AKR7A3: variants seen among roughly 807,000 people sequenced by gnomAD.
AKR7A3 encodes AFB1 aldehyde reductase 2.
AKR7A3 carries 37 observed loss-of-function variants against 32.5 expected under a neutral mutation model. The ratio of observed to expected loss-of-function variants is 1.14; its 90% CI spans 0.88 to 1.50. The LOEUF (loss-of-function observed/expected upper bound fraction) is 1.50. Ranked by LOEUF, AKR7A3 falls within the 40% of genes most tolerant of loss-of-function variation. The probability of loss-of-function intolerance (pLI) is 0.00; values close to 1 mark genes in which losing one functional copy is unlikely to be tolerated. For synonymous variants in AKR7A3, 177 were observed against 188.4 expected, an observed-to-expected ratio of 0.94 and a Z score of 0.50; for missense variants, 412 against 453.2, an observed-to-expected ratio of 0.91 and a Z score of 0.83.
chr1:19,276,317 C>T, the AKR7A3 span, among the ~76,000 whole-genome samples: 9 of 142,768 alleles, frequency 6.3e-5, no homozygotes, highest in South Asian at 1.6e-3. Context: ...GCCGAGATTG[C>T]GCCACTGCAG....
In AKR7A3 at chr1:19,288,760, G is replaced by C; in HGVS notation, c.-51C>G. ...AGCCCAGGAGCCGCGCGCAGCGGTC[G>C]GAAGCACCAGGCTCGGAGCGGGCGG... On this transcript the variant is annotated 5_prime_UTR_variant, in exon 1 of 7. Coordinates refer to ENST00000361640, the MANE Select transcript of AKR7A3 (RefSeq NM_012067.3). The C allele has an allele frequency of 7.1e-7, 1 of 1,413,598 alleles. No individual in the cohort carries two copies. The highest frequency in any genetic ancestry group is 9.2e-7 in the Non-Finnish European group (1 of 1,088,824). The allele number at this position is 1,413,598 out of a possible 1,614,324, so 87.6% of individuals were successfully genotyped here.
chr1:19,283,862 G>A, intron 6 of AKR7A3, 134 bp downstream of exon 6: 1 of 1,450,690 alleles, frequency 6.9e-7, no homozygotes, highest in Non-Finnish European at 9.2e-7. Context: ...AAGACCAGTG[G>A]GAAGAATGTT....
chr1:19,277,638 C>T (rs2093713142), downstream of AKR7A3, among the ~76,000 whole-genome samples: 1 of 151,826 alleles, frequency 6.6e-6, no homozygotes, highest in African/African-American at 2.4e-5. Context: ...TCTCGTGCCT[C>T]AGCTCTCGAA....
At chr1:19,279,586 C>T (rs76652269), downstream of AKR7A3, among the ~76,000 whole-genome samples, 4,366 of 151,982 alleles carry the variant, frequency 0.029, 81 homozygotes, top group South Asian at 0.053. Flanking sequence ...GCACTTCTAT[C>T]GTCTGTCTGT....
the AKR7A3 span, among the ~76,000 whole-genome samples, chr1:19,276,274 T>C: frequency 6.7e-6 from 1 of 149,968 alleles, no homozygotes. Flanking sequence ...AAGCAAAGAA[T>C]TGCTTGAACC....
At chr1:19,279,593 C>G (rs2093715910), downstream of AKR7A3, among the ~76,000 whole-genome samples, 2 of 152,052 alleles carry the variant, frequency 1.3e-5, no homozygotes, top group Middle Eastern at 3.4e-3. Flanking sequence ...TATCGTCTGT[C>G]TGTCTTACTA....
intron 6 of AKR7A3, among the ~76,000 whole-genome samples, chr1:19,283,436 G>T (rs2995183): frequency 6.6e-6 from 1 of 151,834 alleles, no homozygotes; most frequent in South Asian, 2.1e-4. Context: ...CAGTTTCCTC[G>T]TCAATAACAC....
At chr1:19,285,784 A>C (rs1455788007) in intron 3 of AKR7A3, 104 bp downstream of exon 3, 3 of 1,397,332 alleles carry the variant, frequency 2.1e-6, no homozygotes, top group Non-Finnish European at 3.0e-6. Flanking sequence ...TCAGCAGGGG[A>C]GTGGCTGCTA....
At chr1:19,281,417 A>C (rs1042412762), downstream of AKR7A3, among the ~76,000 whole-genome samples, 1 of 151,736 alleles carries the variant, frequency 6.6e-6, no homozygotes, top group African/African-American at 2.4e-5. Flanking sequence ...GGGGCACATC[A>C]ACTGAGGTCA....
rs1457793480 is a variant in AKR7A3, at chr1:19,286,181, T to A, written c.402+4A>T. ...CACCTCCCAGAGCTCAGGGGTCCCC[T>A]CACCTCCTGGTGCAGCTGGTGGCAG... On this transcript the variant is annotated splice_donor_region_variant and intron_variant, in intron 2 of 6. Coordinates refer to ENST00000361640, the MANE Select transcript of AKR7A3 (RefSeq NM_012067.3). The A allele has an allele frequency of 1.2e-6, 2 of 1,612,498 alleles. No individual in the cohort carries two copies. Among genetic ancestry groups the A allele is most frequent in the Admixed American group, 1.7e-5 (1 of 60,010 alleles).
At chr1:19,284,544 G>A (rs2093725487) in intron 5 of AKR7A3, 142 bp downstream of exon 5, 2 of 939,214 alleles carry the variant, frequency 2.1e-6, no homozygotes, top group Non-Finnish European at 3.3e-6. Context: ...GAAAACCGAT[G>A]GAGGGTTTGG....
the AKR7A3 span, among the ~76,000 whole-genome samples, chr1:19,274,899 C>CAAA: frequency 0.02 from 896 of 44,316 alleles, 62 homozygotes; most frequent in Non-Finnish European, 0.029. Context: ...TCTCTAAATA[C>CAAA]AAAAAAAAAA....
chr1:19,277,756 A>G (rs2093713268), downstream of AKR7A3, among the ~76,000 whole-genome samples: 1 of 151,924 alleles, frequency 6.6e-6, no homozygotes, highest in Non-Finnish European at 1.5e-5. Context: ...CCTGGCCTCA[A>G]GGGATCCTCC....
In AKR7A3 at chr1:19,286,379, G is replaced by A; in HGVS notation, c.215-7C>T. Reference sequence around the variant, plus strand: ...GCCTTGGTATCAATTTTCACTGAGAGGAAAGAGAAATGAAATTCAGGGCCA... The same window carrying A: ...GCCTTGGTATCAATTTTCACTGAGAAGAAAGAGAAATGAAATTCAGGGCCA... On this transcript the variant is annotated splice_region_variant and splice_polypyrimidine_tract_variant and intron_variant, in intron 1 of 6. Transcript: ENST00000361640. 6 of 1,612,706 alleles carry A rather than the reference G, an allele frequency of 3.7e-6. No homozygotes were observed. Among genetic ancestry groups the A allele is most frequent in the South Asian group, 1.1e-5 (1 of 91,068 alleles).
At chr1:19,284,388 G>T (rs1479124951) in intron 5 of AKR7A3, among the ~76,000 whole-genome samples, 1 of 151,880 alleles carries the variant, frequency 6.6e-6, no homozygotes, top group African/African-American at 2.4e-5. Flanking sequence ...GCTAAGATGG[G>T]TCAGGACTCA....
the AKR7A3 span, among the ~76,000 whole-genome samples, chr1:19,276,360 CAA>C: frequency 4.5e-5 from 5 of 111,338 alleles, no homozygotes; most frequent in East Asian, 2.5e-4. Context: ...GACTCCATCT[CAA>C]AAAAAAAAAA....
At chr1:19,283,082 A>C (rs2093721801) in intron 6 of AKR7A3, among the ~76,000 whole-genome samples, 190 bp from the exon 7 acceptor site, 1 of 147,300 alleles carries the variant, frequency 6.8e-6, no homozygotes, top group South Asian at 2.2e-4. Context: ...CTGCCACACG[A>C]CGCTTCCAGA....
chr1:19,274,530 G>C, the AKR7A3 span, among the ~76,000 whole-genome samples: 15 of 151,928 alleles, frequency 9.9e-5, no homozygotes, highest in African/African-American at 3.2e-4. Context: ...CTGCCTGCCT[G>C]CCGTGTGGTC....
chr1:19,276,292 C>A, the AKR7A3 span, among the ~76,000 whole-genome samples: 3 of 139,972 alleles, frequency 2.1e-5, no homozygotes, highest in Non-Finnish European at 3.0e-5. Flanking sequence ...ACCCAGGAGG[C>A]AGAGGTTGCA....
Sources: allele counts gnomAD v4.1 joint callset (sites outside exome capture counted in the v4.1 genomes callset), GRCh38; gene constraint gnomAD v4.1.1; transcripts MANE v1.5; gene names NCBI Gene and HGNC (gene_info 2026-07-23, HGNC 2026-07-21).